ANKH: variants seen among roughly 807,000 people sequenced by gnomAD.
ANKH encodes the protein mineralization regulator ANKH.
A neutral mutation model predicts 49.0 loss-of-function variants in ANKH; 15 were observed. The ratio of observed to expected loss-of-function variants is 0.31; its 90% confidence interval spans 0.20 to 0.47. The LOEUF is 0.47. ANKH is among the 20% of genes least tolerant of loss of function. The probability of loss-of-function intolerance (pLI) is 1.00; values close to 1 mark genes in which losing one functional copy is unlikely to be tolerated. For missense variants in ANKH, 429 were observed against 652.0 expected, an observed-to-expected ratio of 0.66 and a Z score of 3.72; for synonymous variants, 273 against 260.0, an observed-to-expected ratio of 1.05 and a Z score of -0.48.
rs1353335977 is a variant in ANKH at position 14,749,185 on chromosome 5, G to T, written c.809C>A (p.Ser270Tyr). Residue 270 changes from serine (S) to tyrosine (Y), a missense_variant, in exon 6 of 12, where the codon TCT (serine) becomes TAT (tyrosine). Around this residue, in one of 2 missense-constraint regions of ANKH, gnomAD observed 378 missense variants for 615.3 expected, o/e 0.61. Coordinates refer to ENST00000284268, the MANE Select transcript of ANKH (RefSeq NM_054027.6). ...LFVSRDLGGS[S>Y]AATEAVAILT... ...AGCATGGCCCACCTCTGTGGCTGCAGAACTGCCACCAAGGTCCCGGGAAAC... is the reference window on the plus strand; with the variant it reads ...AGCATGGCCCACCTCTGTGGCTGCATAACTGCCACCAAGGTCCCGGGAAAC... 6.2e-7 allele frequency: 1 copy of T among 1,614,044 alleles called. No individual in the cohort carries two copies. The highest frequency in any genetic ancestry group is 8.5e-7 in the Non-Finnish European group (1 of 1,179,908).
At chr5:14,851,125 C>T (rs563005327) in intron 1 of ANKH, among the ~76,000 whole-genome samples, 8 of 152,292 alleles carry the variant, frequency 5.3e-5, no homozygotes, top group African/African-American at 1.9e-4. Flanking sequence ...CAGGAAGCCT[C>T]ACTCTCTGTT....
chr5:14,719,763 T>C (rs1443724790), intron 8 of ANKH, among the ~76,000 whole-genome samples: 1 of 152,002 alleles, frequency 6.6e-6, no homozygotes, highest in East Asian at 1.9e-4. Context: ...AGGGACAGGG[T>C]GGAAGTGAGC....
chr5:14,767,383 T>A (rs1383680727), intron 2 of ANKH, among the ~76,000 whole-genome samples: 2 of 152,226 alleles, frequency 1.3e-5, no homozygotes, highest in Non-Finnish European at 2.9e-5. Flanking sequence ...TCGTAGCAAC[T>A]GTGGAAAACA....
intron 4 of ANKH, among the ~76,000 whole-genome samples, chr5:14,752,053 A>T (rs1229596417): frequency 6.6e-6 from 1 of 152,168 alleles, no homozygotes; most frequent in African/African-American, 2.4e-5. Context: ...CACACCTGTG[A>T]TCTCAGTGCT....
chr5:14,735,255 A>G (rs895403352), intron 8 of ANKH, among the ~76,000 whole-genome samples: 1 of 152,224 alleles, frequency 6.6e-6, no homozygotes, highest in Non-Finnish European at 1.5e-5. Context: ...CCCACAAAAA[A>G]TAAAAATTAA....
At chr5:14,797,566 GGC>G (rs1740428215) in intron 1 of ANKH, 1 of 1,610,734 alleles carries the variant, frequency 6.2e-7, no homozygotes, top group African/African-American at 1.3e-5. Flanking sequence ...CTGAAAGAAA[GGC>G]AGTTCACTTC....
At position 14,713,774 on chromosome 5, in the gene ANKH, C is replaced by T; in HGVS notation, c.1142-107G>A. ...CCGAGAGCCAGGGGCTGCCTAGGACCCTGGCCTTGCTGTTGAGCCGCTGGC... is the reference window on the plus strand; with the variant it reads ...CCGAGAGCCAGGGGCTGCCTAGGACTCTGGCCTTGCTGTTGAGCCGCTGGC... On this transcript the variant is annotated intron_variant, in intron 9 of 11. Coordinates refer to ENST00000284268, the MANE Select transcript of ANKH (RefSeq NM_054027.6). The surrounding 1 kb of genome is among the most constrained non-coding windows in gnomAD (Gnocchi z 4.4). 6.5e-7 allele frequency: 1 copy of T among 1,534,626 alleles called. No individual in the cohort carries two copies. The highest frequency in any genetic ancestry group is 1.1e-5 in the South Asian group (1 of 89,146).
chr5:14,715,942 C>T (rs2126412460), intron 9 of ANKH, among the ~76,000 whole-genome samples: 1 of 152,348 alleles, frequency 6.6e-6, no homozygotes, highest in East Asian at 1.9e-4. Flanking sequence ...CTTCCTTTCT[C>T]CAGCAGTCCT....
chr5:14,821,097 T>TA (rs34183956), intron 1 of ANKH, among the ~76,000 whole-genome samples: 22,635 of 146,762 alleles, frequency 0.15, 1,991 homozygotes, highest in African/African-American at 0.25. Context: ...GACCCTGTCT[T>TA]AAAAAAAAAA....
In ANKH at chr5:14,832,425, C is replaced by T. The variant is rs951362353; in HGVS notation, c.96+38927G>A. Among the ~76,000 whole-genome samples, 6 of 152,268 alleles carry T rather than the reference C, an allele frequency of 3.9e-5. No individual in the cohort carries two copies. In the East Asian group the frequency reaches 7.7e-4, roughly 20 times the overall value. ...TTTCTGGATTATAAACAAGCAGCAT[C>T]CTTTTCAAAAAACTCAATAACCGAA... On this transcript the variant is annotated intron_variant, in intron 1 of 11. Coordinates refer to ENST00000284268, the MANE Select transcript of ANKH (RefSeq NM_054027.6).
chr5:14,751,751 T>C (rs1237410892), intron 4 of ANKH, among the ~76,000 whole-genome samples: 1 of 152,184 alleles, frequency 6.6e-6, no homozygotes, highest in East Asian at 1.9e-4. Context: ...GCCACTGACA[T>C]TGGAGGCATT....
At chr5:14,838,447 G>GA (rs903440861) in intron 1 of ANKH, among the ~76,000 whole-genome samples, 26 of 149,936 alleles carry the variant, frequency 1.7e-4, no homozygotes, top group Middle Eastern at 3.5e-3. Context: ...ACAAGAAAAA[G>GA]AAAAAAAAAT....
At chr5:14,807,429 T>C (rs772833755) in intron 1 of ANKH, among the ~76,000 whole-genome samples, 3 of 152,212 alleles carry the variant, frequency 2.0e-5, no homozygotes, top group Non-Finnish European at 4.4e-5. Context: ...ATGATATTCC[T>C]TACAGTGTTG....
chr5:14,794,514 G>T (rs1333900508), intron 1 of ANKH, among the ~76,000 whole-genome samples: 1 of 152,204 alleles, frequency 6.6e-6, no homozygotes, highest in Non-Finnish European at 1.5e-5. Flanking sequence ...TCTAATAGTT[G>T]TACTACCACA....
chr5:14,731,091 C>T (rs986271136), intron 8 of ANKH, among the ~76,000 whole-genome samples: 40 of 152,188 alleles, frequency 2.6e-4, no homozygotes, highest in South Asian at 2.1e-4. Context: ...CGGCCCAACA[C>T]GGGCGTGAAA....
chr5:14,755,556 G>A (rs1021561303), intron 4 of ANKH, among the ~76,000 whole-genome samples: 3 of 152,134 alleles, frequency 2.0e-5, no homozygotes, highest in Admixed American at 6.5e-5. Flanking sequence ...AAAGGTACTA[G>A]GTATGACTTT....
At chr5:14,796,222 T>G (rs1740370647) in intron 1 of ANKH, among the ~76,000 whole-genome samples, 1 of 151,404 alleles carries the variant, frequency 6.6e-6, no homozygotes, top group Admixed American at 6.6e-5. Flanking sequence ...ACTTACACAG[T>G]TAGTCATGGA....
rs143381331 is a variant in ANKH at position 14,748,026 on chromosome 5, G to A, written c.822+1146C>T. On this transcript the variant is annotated intron_variant, in intron 6 of 11. Coordinates refer to ENST00000284268, the MANE Select transcript of ANKH (RefSeq NM_054027.6). ...AATAAATGCCAGTGCTGTACCCCAC[G>A]TGCTGTTCCTATATGCCATCGAGAG... Among the ~76,000 whole-genome samples the A allele has an allele frequency of 7.9e-5, 12 of 152,288 alleles. 1 individual carries two copies. The East Asian group carries it at 1.3e-3, about 17-fold the overall frequency.
chr5:14,831,022 C>CA (rs1741490780), intron 1 of ANKH, among the ~76,000 whole-genome samples: 2 of 152,010 alleles, frequency 1.3e-5, no homozygotes, highest in South Asian at 4.2e-4. Flanking sequence ...TTTTTAAGGG[C>CA]AAAAAAAGAA....
Sources: gnomAD v4.1 joint callset for allele counts (sites outside exome capture counted in the v4.1 genomes callset) on GRCh38, gnomAD v4.1.1 for gene constraint, gnomAD v4.1.1 regional missense constraint, Gnocchi (gnomAD v3.1) non-coding constraint, MANE v1.5 for transcripts, NCBI Gene and HGNC (gene_info 2026-07-23, HGNC 2026-07-21) for gene names.